SYN3: variants seen among roughly 807,000 people sequenced by gnomAD.
SYN3 encodes synapsin III.
A neutral mutation model predicts 65.8 loss-of-function variants in SYN3; 35 were observed. That is an observed-to-expected ratio of 0.53 (90% CI 0.41 to 0.70). SYN3 has a LOEUF of 0.70. Ranked by LOEUF, SYN3 falls within the 30% of genes least tolerant of loss-of-function variation. SYN3 has a pLI of 0.00. For missense variants in SYN3, 680 were observed against 749.0 expected (o/e 0.91, Z 1.08); for synonymous variants, 270 against 292.9 (o/e 0.92, Z 0.80).
chr22:32,693,192 A>G (rs1020623891), intron 6 of SYN3, among the ~76,000 whole-genome samples: 90 of 152,330 alleles, frequency 5.9e-4, no homozygotes, highest in African/African-American at 2.0e-3. Flanking sequence ...TAGAACGATT[A>G]TAATAATATG....
chr22:32,975,267 C>T (rs545109695), intron 3 of SYN3, among the ~76,000 whole-genome samples: 1 of 151,504 alleles, frequency 6.6e-6, no homozygotes, highest in South Asian at 2.1e-4. Flanking sequence ...CTCAGCTGCT[C>T]AGGAGGCTGA....
intron 6 of SYN3, chr22:32,858,008 C>G (rs1213660608): frequency 6.2e-7 from 1 of 1,614,184 alleles, no homozygotes; most frequent in South Asian, 1.1e-5. Context: ...TTCTTCTTTC[C>G]TCCTGTAGGT....
chr22:32,508,221 C>T lies in SYN3; in HGVS notation c.*5471G>A, dbSNP rs1165898910. ...TGACATTCCACCATTGTGATTTGTT[C>T]CTGCCCCACCTTAACTGAGTGATTA... On this transcript the variant is annotated 3_prime_UTR_variant, in exon 14 of 14. Coordinates refer to ENST00000358763, the MANE Select transcript of SYN3 (RefSeq NM_003490.4). 6.6e-6 allele frequency among the ~76,000 whole-genome samples: 1 copy of T among 152,124 alleles called. No homozygotes were observed. Among genetic ancestry groups the T allele is most frequent in the African/African-American group, 2.4e-5 (1 of 41,420 alleles).
At chr22:32,645,113 A>G (rs1162573552) in intron 6 of SYN3, among the ~76,000 whole-genome samples, 1 of 152,226 alleles carries the variant, frequency 6.6e-6, no homozygotes, top group African/African-American at 2.4e-5. Flanking sequence ...TGACAGTGAC[A>G]TTCCTTCCTT....
intron 4 of SYN3, among the ~76,000 whole-genome samples, chr22:32,908,259 T>C (rs2049956754): frequency 6.6e-6 from 1 of 152,038 alleles, no homozygotes; most frequent in Non-Finnish European, 1.5e-5. Flanking sequence ...CTAATTTTTG[T>C]ATTTTTAGTA....
intron 3 of SYN3, among the ~76,000 whole-genome samples, chr22:32,937,481 A>G (rs2050804962): frequency 6.6e-6 from 1 of 152,186 alleles, no homozygotes; most frequent in African/African-American, 2.4e-5. Flanking sequence ...GGAGGTGTCA[A>G]GAAACTTACA....
At chr22:32,792,761 G>C (rs1490320933) in intron 6 of SYN3, among the ~76,000 whole-genome samples, 3 of 152,144 alleles carry the variant, frequency 2.0e-5, no homozygotes, top group Non-Finnish European at 4.4e-5. Context: ...GCTTTTCTCT[G>C]CTTGGCTGCA....
chr22:33,040,405 C>T (rs2053942535), intron 1 of SYN3, among the ~76,000 whole-genome samples: 1 of 152,190 alleles, frequency 6.6e-6, no homozygotes. Context: ...AAACATGCAT[C>T]ATGCCTTTCA....
At chr22:32,603,669 T>C (rs2059320658) in intron 6 of SYN3, among the ~76,000 whole-genome samples, 1 of 152,118 alleles carries the variant, frequency 6.6e-6, no homozygotes. Context: ...TTCCCACTTC[T>C]ACCCCTTTGC....
intron 4 of SYN3, among the ~76,000 whole-genome samples, chr22:32,875,043 G>T (rs2048947845): frequency 6.6e-6 from 1 of 152,210 alleles, no homozygotes; most frequent in Non-Finnish European, 1.5e-5. Flanking sequence ...GGAGGGGTTT[G>T]AATCGCCCAT....
At chr22:33,019,097 C>T (rs577216356) in intron 1 of SYN3, among the ~76,000 whole-genome samples, 2 of 152,302 alleles carry the variant, frequency 1.3e-5, no homozygotes, top group South Asian at 4.2e-4. Flanking sequence ...GCTTTCCAAA[C>T]TACAACCCTA....
chr22:33,048,989 T>G (rs1048616906), intron 1 of SYN3, among the ~76,000 whole-genome samples: 3 of 152,194 alleles, frequency 2.0e-5, no homozygotes, highest in Non-Finnish European at 2.9e-5. Context: ...CTACTTCTTT[T>G]GCTGTAGGCC....
chr22:32,626,832 A>C (rs1459241629), intron 6 of SYN3, among the ~76,000 whole-genome samples: 1 of 152,172 alleles, frequency 6.6e-6, no homozygotes, highest in African/African-American at 2.4e-5. Flanking sequence ...AGCGTCTATC[A>C]TGTAGTAGGT....
At chr22:32,959,474 C>T (rs1421072768) in intron 3 of SYN3, among the ~76,000 whole-genome samples, 1 of 151,922 alleles carries the variant, frequency 6.6e-6, no homozygotes, top group African/African-American at 2.4e-5. Context: ...TCACTTGAAC[C>T]CAGGAGGCAG....
In SYN3 at chr22:33,015,295, G is replaced by A. The variant is rs1457154188; in HGVS notation, c.-162-8471C>T. 8.0e-6 allele frequency: 5 copies of A among 624,470 alleles called. No homozygotes were observed. In the African/African-American group the frequency reaches 8.1e-5, roughly 10 times the overall value. 38.7% of individuals were successfully genotyped at this position (624,470 alleles called of 1,614,324 possible). The stretch of plus-strand genomic sequence containing the variant: ...AAAGGAGCAGACTATTTTAAACGGC[G>A]TTTGAACAACATTTTCCTTAAAAAC... On this transcript the variant is annotated intron_variant, in intron 1 of 13. Coordinates refer to ENST00000358763, the MANE Select transcript of SYN3 (RefSeq NM_003490.4).
At chr22:32,874,236 G>A (rs1031506274) in intron 4 of SYN3, among the ~76,000 whole-genome samples, 1 of 152,148 alleles carries the variant, frequency 6.6e-6, no homozygotes, top group African/African-American at 2.4e-5. Context: ...TGGGTCTCTC[G>A]TGCCTGGGTA....
chr22:32,634,776 C>G (rs1183951257), intron 6 of SYN3, among the ~76,000 whole-genome samples: 1 of 152,190 alleles, frequency 6.6e-6, no homozygotes, highest in Non-Finnish European at 1.5e-5. Context: ...TCCGGAATCC[C>G]TTGGCCACCT....
At chr22:32,693,036 C>T (rs1385290821) in intron 6 of SYN3, among the ~76,000 whole-genome samples, 2 of 152,050 alleles carry the variant, frequency 1.3e-5, no homozygotes, top group African/African-American at 2.4e-5. Context: ...CATTTCAAGA[C>T]CACCAGTGGA....
At chr22:32,992,135 C>A (rs532210790) in intron 2 of SYN3, among the ~76,000 whole-genome samples, 104 of 152,368 alleles carry the variant, frequency 6.8e-4, no homozygotes, top group African/African-American at 2.4e-3. Flanking sequence ...AAGTGAAACG[C>A]TGAAACTCCT....
Sources: gnomAD v4.1 joint callset for allele counts (sites outside exome capture counted in the v4.1 genomes callset) on GRCh38, gnomAD v4.1.1 for gene constraint, MANE v1.5 for transcripts, NCBI Gene and HGNC (gene_info 2026-07-23, HGNC 2026-07-21) for gene names.